NR6A1: variants seen among roughly 807,000 people sequenced by gnomAD.
NR6A1 encodes the protein nuclear receptor subfamily 6 group A member 1.
Under a neutral mutation model 59.1 loss-of-function variants are expected in NR6A1, and 7 were observed. The ratio of observed to expected loss-of-function variants is 0.12; its 90% CI spans 0.07 to 0.22. NR6A1 has a LOEUF of 0.22. NR6A1 is among the 10% of genes least tolerant of loss of function. The pLI is 1.00. For synonymous variants in NR6A1, 243 were observed against 236.1 expected (o/e 1.03, Z -0.27); for missense variants, 468 against 611.6 (o/e 0.77, Z 2.48).
intron 2 of NR6A1, among the ~76,000 whole-genome samples, chr9:124,669,677 G>A (rs1397945415): frequency 6.6e-6 from 1 of 152,196 alleles, no homozygotes; most frequent in Non-Finnish European, 1.5e-5. Context: ...CCTCTTACCA[G>A]CACACAGGAA....
At chr9:124,647,114 ATGTTGTAGCCCAGACTGGTCCC>A in intron 2 of NR6A1, among the ~76,000 whole-genome samples, 4 of 152,142 alleles carry the variant, frequency 2.6e-5, no homozygotes, top group African/African-American at 4.8e-5. Context: ...AGGTCTCACT[ATGTTGTAGCCCAGACTGGTCCC>A]AAACTCCTGG....
At chr9:124,557,205 T>A (rs552614136) in intron 2 of NR6A1, among the ~76,000 whole-genome samples, 1 of 152,320 alleles carries the variant, frequency 6.6e-6, no homozygotes, top group South Asian at 2.1e-4. Flanking sequence ...CTTGGCTCAC[T>A]GCAACCTCTG....
At position 124,543,923 on chromosome 9, in the gene NR6A1, G is replaced by GA; in HGVS notation, c.386-67dup. 3 of 1,431,182 alleles carry GA rather than the reference G, an allele frequency of 2.1e-6. No homozygotes were observed. The South Asian group carries it at 3.5e-5, about 17-fold the overall frequency. The allele number at this position is 1,431,182 out of a possible 1,614,324, so 88.7% of individuals were successfully genotyped here. A position where few individuals can be genotyped will look rare whatever the true frequency, so the allele number is the denominator to read the frequency against. On this transcript the variant is annotated intron_variant, in intron 3 of 9. Transcript: ENST00000487099. ...ACTCATATAAGTCTTAGCACAAAAA[G>GA]AGAGTTTACTTGGCCAAAAGCATAA...
intron 2 of NR6A1, among the ~76,000 whole-genome samples, chr9:124,558,236 G>C (rs964851987): frequency 6.6e-6 from 1 of 152,078 alleles, no homozygotes; most frequent in Non-Finnish European, 1.5e-5. Context: ...CTCATGTCTC[G>C]TAACACTGCT....
intron 2 of NR6A1, among the ~76,000 whole-genome samples, chr9:124,633,275 C>T (rs576857569): frequency 6.7e-4 from 101 of 151,668 alleles, no homozygotes; most frequent in Non-Finnish European, 2.2e-4. Flanking sequence ...TGGTGGCGCG[C>T]GCCTGTAGTC....
At chr9:124,690,350 T>C (rs1214064392) in intron 2 of NR6A1, among the ~76,000 whole-genome samples, 1 of 152,158 alleles carries the variant, frequency 6.6e-6, no homozygotes, top group Non-Finnish European at 1.5e-5. Context: ...CATCCCCATG[T>C]TGGAGACATG....
chr9:124,542,963 G>A (rs1833493535), intron 4 of NR6A1, among the ~76,000 whole-genome samples: 1 of 152,176 alleles, frequency 6.6e-6, no homozygotes. Flanking sequence ...TCTTCTGCTG[G>A]CAAGTAAGAA....
At chr9:124,603,204 CAA>C (rs1240242816) in intron 2 of NR6A1, among the ~76,000 whole-genome samples, 1 of 152,046 alleles carries the variant, frequency 6.6e-6, no homozygotes, top group Non-Finnish European at 1.5e-5. Flanking sequence ...TCATGTACTC[CAA>C]AGAGTCAAGC....
chr9:124,609,794 G>T (rs1402535665), intron 2 of NR6A1, among the ~76,000 whole-genome samples: 1 of 152,122 alleles, frequency 6.6e-6, no homozygotes, highest in Non-Finnish European at 1.5e-5. Flanking sequence ...TTGAGCAGTG[G>T]TTTGTAGCTC....
At chr9:124,720,192 C>T (rs7020358) in intron 2 of NR6A1, among the ~76,000 whole-genome samples, 74,725 of 151,582 alleles carry the variant, frequency 0.49, 18,561 homozygotes, top group Admixed American at 0.6. Flanking sequence ...GCTGGGATTA[C>T]AAGCATGCGC....
rs114649296 is a variant in NR6A1, at chr9:124,760,841, C to A, written c.100+10179G>T. Among the ~76,000 whole-genome samples the A allele has an allele frequency of 5.2e-3, 792 of 152,368 alleles. 7 individuals carry two copies. The highest frequency in any genetic ancestry group is 0.018 in the African/African-American group (733 of 41,584). Reference sequence around the variant, plus strand: ...GCTGTGATCTTTGTTAGGCCACACTCCAGAGTCCCTGCTCTTTGCCTCACA... The same window carrying A: ...GCTGTGATCTTTGTTAGGCCACACTACAGAGTCCCTGCTCTTTGCCTCACA... On this transcript the variant is annotated intron_variant, in intron 1 of 9. Coordinates refer to ENST00000487099, the MANE Select transcript of NR6A1 (RefSeq NM_033334.4).
At chr9:124,696,954 G>A (rs1044090184) in intron 2 of NR6A1, among the ~76,000 whole-genome samples, 5 of 152,104 alleles carry the variant, frequency 3.3e-5, no homozygotes, top group Non-Finnish European at 4.4e-5. Flanking sequence ...CACCGCACCC[G>A]GCCTGAAATC....
chr9:124,524,236 C>T (rs77538505), intron 9 of NR6A1, among the ~76,000 whole-genome samples: 1 of 152,126 alleles, frequency 6.6e-6, no homozygotes, highest in Admixed American at 6.5e-5. Flanking sequence ...GGATTACAGG[C>T]AGGAGCCACT....
At chr9:124,595,772 T>C (rs1323411923) in intron 2 of NR6A1, 3 of 1,289,246 alleles carry the variant, frequency 2.3e-6, no homozygotes, top group Non-Finnish European at 3.0e-6. Context: ...CATTTCATGC[T>C]TCTTGTAGTC....
intron 2 of NR6A1, among the ~76,000 whole-genome samples, chr9:124,690,869 A>G (rs569400037): frequency 3.5e-4 from 53 of 152,342 alleles, no homozygotes; most frequent in African/African-American, 1.3e-3. Flanking sequence ...CCATTATGCC[A>G]TGATACACAA....
chr9:124,709,798 G>A (rs1038527428), intron 2 of NR6A1, among the ~76,000 whole-genome samples: 7 of 151,992 alleles, frequency 4.6e-5, no homozygotes, highest in African/African-American at 1.5e-4. Context: ...AGCTGGGAAA[G>A]GTGGCAGGCA....
At chr9:124,535,476 G>T (rs1361568222) in intron 7 of NR6A1, among the ~76,000 whole-genome samples, 2 of 152,120 alleles carry the variant, frequency 1.3e-5, no homozygotes, top group Non-Finnish European at 2.9e-5. Flanking sequence ...TACTTGGGAG[G>T]CTGAGGCAGG....
intron 4 of NR6A1, among the ~76,000 whole-genome samples, chr9:124,543,131 C>A (rs1393802814): frequency 6.6e-6 from 1 of 152,150 alleles, no homozygotes; most frequent in Non-Finnish European, 1.5e-5. Context: ...AATGTTGCAG[C>A]CTAATTGAAC....
At chr9:124,601,012 A>G (rs1476349107) in intron 2 of NR6A1, among the ~76,000 whole-genome samples, 1 of 151,698 alleles carries the variant, frequency 6.6e-6, no homozygotes, top group Non-Finnish European at 1.5e-5. Flanking sequence ...GCGGTGGCTC[A>G]CGCCTGCAAT....
Sources: allele counts gnomAD v4.1 joint callset (sites outside exome capture counted in the v4.1 genomes callset), GRCh38; gene constraint gnomAD v4.1.1; transcripts MANE v1.5; gene names NCBI Gene and HGNC (gene_info 2026-07-23, HGNC 2026-07-21).